The following SDHA variants were observed in gnomAD, a reference collection of about 807,000 sequenced individuals.
SDHA encodes succinate dehydrogenase [ubiquinone] flavoprotein subunit, mitochondrial.
In SDHA, 48 loss-of-function variants were observed where a neutral mutation model predicts 78.4. The observed-to-expected ratio is 0.61, with a 90% CI of 0.49 to 0.78. The LOEUF (loss-of-function observed/expected upper bound fraction) is 0.78. Among genes scored for constraint, SDHA ranks in the 30% least tolerant of loss-of-function variants. The pLI, the probability that SDHA is intolerant of heterozygous loss-of-function variation, is 0.00. For missense variants in SDHA, 680 were observed against 892.7 expected (o/e 0.76, Z 3.04); for synonymous variants, 326 against 353.9 (o/e 0.92, Z 0.88).
intron 1 of SDHA, among the ~76,000 whole-genome samples, chr5:222,601 A>G (rs1343362280): frequency 6.6e-6 from 1 of 152,102 alleles, no homozygotes; most frequent in Non-Finnish European, 1.5e-5. Flanking sequence ...TGGCCTCCCC[A>G]AATGCTGGGA....
chr5:224,727 T>C, intron 3 of SDHA: 1 of 600,750 alleles, frequency 1.7e-6, no homozygotes, highest in Non-Finnish European at 3.0e-6. Context: ...TTGTCACTCC[T>C]AATTCAGACT....
At position 250,556 on chromosome 5, in the gene SDHA, C is replaced by T. The variant is rs189117165; in HGVS notation, c.1552-436C>T. On this transcript the variant is annotated intron_variant, in intron 11 of 14. Coordinates refer to ENST00000264932, the MANE Select transcript of SDHA (RefSeq NM_004168.4). ...AGCTCCAACACCACCATCACCAGGG[C>T]TCTGCTCAGCTCCTCCTAGTGTGTA... 278 of 283,322 alleles carry T rather than the reference C, an allele frequency of 9.8e-4. 1 individual carries two copies. The highest frequency in any genetic ancestry group is 3.0e-3 in the South Asian group (86 of 28,568). 17.6% of individuals were successfully genotyped at this position (283,322 alleles called of 1,614,324 possible).
chr5:225,867 T>C lies in SDHA; in HGVS notation c.457-16T>C, dbSNP rs371775474. 8.1e-6 allele frequency: 13 copies of C among 1,612,102 alleles called. No homozygotes were observed. Among genetic ancestry groups the C allele is most frequent in the Non-Finnish European group, 1.1e-5 (13 of 1,179,814 alleles). ...TTTAAGGTGTTAAGGTTTTTGTTTG[T>C]TTTTATCTTTCACAGCTAGAAAATT... is the stretch of plus-strand genomic sequence containing the variant. On this transcript the variant is annotated splice_polypyrimidine_tract_variant and intron_variant, in intron 4 of 14. Transcript: ENST00000264932.
chr5:222,409 A>G (rs1340280891), intron 1 of SDHA, among the ~76,000 whole-genome samples: 1 of 146,730 alleles, frequency 6.8e-6, no homozygotes, highest in Non-Finnish European at 1.5e-5. Context: ...GTGCAGTGGC[A>G]CAGTCTAGGC....
chr5:234,446 A>G (rs1735637217), intron 8 of SDHA: 1 of 142,702 alleles, frequency 7.0e-6, no homozygotes, highest in African/African-American at 2.5e-5. Flanking sequence ...AAAAAAAAAC[A>G]GAGAAGTCAA....
chr5:234,956 C>T, intron 8 of SDHA, 188 bp from the exon 9 acceptor site: 1 of 669,532 alleles, frequency 1.5e-6, no homozygotes, highest in Non-Finnish European at 2.7e-6. Context: ...TGTGTCCCAG[C>T]ACCTGGGATT....
At chr5:252,956 G>A (rs1357133241) in intron 13 of SDHA, 1 of 152,482 alleles carries the variant, frequency 6.6e-6, no homozygotes, top group Admixed American at 6.5e-5. Flanking sequence ...TATTAAATAA[G>A]GAGTAAGCCA....
intron 3 of SDHA, among the ~76,000 whole-genome samples, chr5:225,004 G>A (rs990711747): frequency 5.9e-5 from 9 of 152,200 alleles, no homozygotes; most frequent in African/African-American, 1.7e-4. Flanking sequence ...TTACTTGGCA[G>A]GAAGCACTTC....
chr5:242,558 G>C (rs1736209932), intron 11 of SDHA, among the ~76,000 whole-genome samples: 2 of 152,198 alleles, frequency 1.3e-5, no homozygotes, highest in African/African-American at 4.8e-5. Context: ...TGAGACCCCT[G>C]ATTTCCCACT....
chr5:220,830 T>TTTTTTTG (rs56162703), intron 1 of SDHA, among the ~76,000 whole-genome samples: 1 of 151,410 alleles, frequency 6.6e-6, no homozygotes, highest in South Asian at 2.1e-4. Context: ...TTTTTTTTTT[T>TTTTTTTG]GAGACAGAGT....
chr5:244,392 G>A (rs1252913120), intron 11 of SDHA, among the ~76,000 whole-genome samples: 4 of 151,930 alleles, frequency 2.6e-5, no homozygotes, highest in Non-Finnish European at 5.9e-5. Context: ...AATTCAAATT[G>A]TTACATCTAC....
chr5:230,677 C>T (rs1735339000), intron 6 of SDHA, among the ~76,000 whole-genome samples, 199 bp from the exon 7 acceptor site: 1 of 152,116 alleles, frequency 6.6e-6, no homozygotes, highest in Non-Finnish European at 1.5e-5. Flanking sequence ...TCCCAGGCTT[C>T]TATCCTACCT....
At position 225,506 on chromosome 5, in the gene SDHA, G is replaced by T; in HGVS notation, c.400G>T (p.Gly134Trp). The change falls in exon 4 of 15, where the codon GGG becomes TGG. Residue 134 changes from glycine to tryptophan, a missense_variant. Coordinates refer to ENST00000264932, the MANE Select transcript of SDHA (RefSeq NM_004168.4). ...CACCGTGAAGGGCTCCGACTGGCTG[G>T]GGGACCAGGATGCCATCCACTACAT... ...YDTVKGSDWL[G>W]DQDAIHYMTE... is the part of the protein sequence containing the mutation. 1 of 1,613,934 alleles carries T rather than the reference G, an allele frequency of 6.2e-7. No individual in the cohort carries two copies. The highest frequency in any genetic ancestry group is 2.2e-5 in the East Asian group (1 of 44,884).
intron 11 of SDHA, among the ~76,000 whole-genome samples, chr5:246,511 C>G (rs575696219): frequency 6.6e-6 from 1 of 152,236 alleles, no homozygotes; most frequent in Non-Finnish European, 1.5e-5. Flanking sequence ...ACTTGAGCTG[C>G]AGCTGATCGA....
Position 218,371 on chromosome 5 carries a change from G to A in SDHA, c.16G>A (p.Gly6Ser), listed in dbSNP as rs1352756438. The change falls in exon 1 of 15, where the codon GGC (glycine) becomes AGC (serine). Residue 6 changes from glycine (G) to serine (S), a missense_variant. By Grantham distance (56) the Gly-to-Ser change is moderately conservative. Coordinates refer to ENST00000264932, the MANE Select transcript of SDHA (RefSeq NM_004168.4). Reference sequence around the variant, plus strand: ...AACAGCAGACATGTCGGGGGTCCGGGGCCTGTCGCGGCTGCTGAGCGCTCG... The same window carrying A: ...AACAGCAGACATGTCGGGGGTCCGGAGCCTGTCGCGGCTGCTGAGCGCTCG... MSGVR[G>S]LSRLLSARRL... The A allele has an allele frequency of 1.3e-5, 19 of 1,456,958 alleles. No homozygotes were observed. The highest frequency in any genetic ancestry group is 2.9e-5 in the African/African-American group (2 of 68,260). 90.3% of individuals were successfully genotyped at this position (1,456,958 alleles called of 1,614,324 possible). A position where few individuals can be genotyped will look rare whatever the true frequency, so the allele number is the denominator to read the frequency against.
chr5:257,497 C>T (rs1319890398), downstream of SDHA, among the ~76,000 whole-genome samples: 2 of 102,838 alleles, frequency 1.9e-5, no homozygotes, highest in African/African-American at 4.8e-5. Flanking sequence ...CCTGTCAGAG[C>T]GTTACCGTGA....
intron 9 of SDHA, 54 bp from the exon 10 acceptor site, chr5:236,374 G>C: frequency 2.6e-6 from 4 of 1,562,434 alleles, no homozygotes; most frequent in Non-Finnish European, 3.5e-6. Flanking sequence ...GGGAAGGTGG[G>C]CTGGTGGAGG....
At chr5:259,803 C>T (rs1242558785), downstream of SDHA, among the ~76,000 whole-genome samples, 3 of 34,114 alleles carry the variant, frequency 8.8e-5, no homozygotes, top group East Asian at 5.6e-4. Flanking sequence ...AGAGCATTAC[C>T]GTGTGAGCTC....
intron 10 of SDHA, among the ~76,000 whole-genome samples, chr5:239,032 A>G (rs1735960615): frequency 6.6e-6 from 1 of 151,272 alleles, no homozygotes; most frequent in Non-Finnish European, 1.5e-5. Context: ...TGAATGATCA[A>G]TTTTTAAAGC....
Sources: allele counts gnomAD v4.1 joint callset (sites outside exome capture counted in the v4.1 genomes callset), GRCh38; gene constraint gnomAD v4.1.1; transcripts MANE v1.5; gene names NCBI Gene and HGNC (gene_info 2026-07-23, HGNC 2026-07-21).